The following PLCL2 variants were observed in gnomAD, a reference collection of about 807,000 sequenced individuals.
The protein encoded by PLCL2 is phospholipase C like 2.
In PLCL2, 4 loss-of-function variants were observed where a neutral mutation model predicts 79.6. That is an observed-to-expected ratio of 0.05 (90% confidence interval 0.02 to 0.11). The LOEUF is 0.11. PLCL2 is among the 10% of genes least tolerant of loss of function. The pLI is 1.00. For missense variants in PLCL2, 895 were observed against 1,291.0 expected, an observed-to-expected ratio of 0.69 and a Z score of 4.70; for synonymous variants, 484 against 457.7, an observed-to-expected ratio of 1.06 and a Z score of -0.73.
chr3:17,084,369 T>C (rs1299892955), intron 5 of PLCL2, among the ~76,000 whole-genome samples: 2 of 152,190 alleles, frequency 1.3e-5, no homozygotes, highest in Admixed American at 1.3e-4. Flanking sequence ...AAAGAAATGA[T>C]ACCAATTCTC....
intron 1 of PLCL2, among the ~76,000 whole-genome samples, chr3:16,952,472 T>C (rs1025609760): frequency 4.0e-5 from 6 of 151,074 alleles, no homozygotes; most frequent in Admixed American, 1.3e-4. Flanking sequence ...CTTTTATGCA[T>C]TATTTGTAAT....
At chr3:16,958,813 G>A (rs1478997430) in intron 1 of PLCL2, among the ~76,000 whole-genome samples, 2 of 152,196 alleles carry the variant, frequency 1.3e-5, no homozygotes, top group Non-Finnish European at 2.9e-5. Flanking sequence ...CAGGAGCAAT[G>A]ATGAAGGCTG....
At chr3:16,963,936 G>C (rs2063779890) in intron 1 of PLCL2, among the ~76,000 whole-genome samples, 1 of 152,160 alleles carries the variant, frequency 6.6e-6, no homozygotes. Flanking sequence ...ACTGTGCTCA[G>C]ACATTGTAGT....
At chr3:16,949,733 G>T (rs1347386109) in intron 1 of PLCL2, among the ~76,000 whole-genome samples, 1 of 152,084 alleles carries the variant, frequency 6.6e-6, no homozygotes, top group Non-Finnish European at 1.5e-5. Context: ...ATTTCTCACT[G>T]GGGCACGCAA....
intron 3 of PLCL2, among the ~76,000 whole-genome samples, chr3:17,021,045 C>T (rs2064445337): frequency 6.6e-6 from 1 of 152,132 alleles, no homozygotes; most frequent in Non-Finnish European, 1.5e-5. Context: ...ACTCTCCTGC[C>T]TCAGTCATTA....
At chr3:17,051,293 CAATG>C (rs1221914161) in intron 4 of PLCL2, among the ~76,000 whole-genome samples, 2 of 151,948 alleles carry the variant, frequency 1.3e-5, no homozygotes, top group East Asian at 3.9e-4. Flanking sequence ...CATTTTAAAA[CAATG>C]AAGAGTATTA....
chr3:17,071,537 T>A (rs2065060599), intron 5 of PLCL2, among the ~76,000 whole-genome samples: 1 of 152,192 alleles, frequency 6.6e-6, no homozygotes, highest in South Asian at 2.1e-4. Flanking sequence ...ATTCTCCCTC[T>A]GAGAAATAAC....
At chr3:16,936,195 C>T (rs1401845803) in intron 1 of PLCL2, among the ~76,000 whole-genome samples, 1 of 152,198 alleles carries the variant, frequency 6.6e-6, no homozygotes, top group Non-Finnish European at 1.5e-5. Context: ...TGGCAGCAAG[C>T]TAAACATTTC....
At chr3:17,078,031 G>A (rs911361273) in intron 5 of PLCL2, among the ~76,000 whole-genome samples, 10 of 152,110 alleles carry the variant, frequency 6.6e-5, no homozygotes, top group African/African-American at 2.4e-4. Flanking sequence ...TATCCTCTAA[G>A]CATTTATTTC....
chr3:17,077,755 T>C (rs2065121883), intron 5 of PLCL2, among the ~76,000 whole-genome samples: 1 of 152,160 alleles, frequency 6.6e-6, no homozygotes, highest in Non-Finnish European at 1.5e-5. Flanking sequence ...TCGCCACAGA[T>C]GCTGGCTCAC....
chr3:16,909,826 G>C (rs1255725258), intron 1 of PLCL2, among the ~76,000 whole-genome samples: 1 of 152,092 alleles, frequency 6.6e-6, no homozygotes, highest in African/African-American at 2.4e-5. Context: ...TTAAAGATCG[G>C]GATGGTTTCT....
chr3:17,014,977 C>A, intron 3 of PLCL2, 66 bp downstream of exon 3: 1 of 1,311,134 alleles, frequency 7.6e-7, no homozygotes, highest in Non-Finnish European at 1.1e-6. Context: ...ACACAGCAGA[C>A]ATACTTTGGA....
chr3:16,982,397 TG>T (rs1205589394), intron 1 of PLCL2, among the ~76,000 whole-genome samples: 2 of 152,164 alleles, frequency 1.3e-5, no homozygotes, highest in African/African-American at 4.8e-5. Context: ...TTTCCCTGTT[TG>T]GGGGGTGTAT....
chr3:16,951,717 C>T (rs2063654283), intron 1 of PLCL2, among the ~76,000 whole-genome samples: 1 of 152,104 alleles, frequency 6.6e-6, no homozygotes, highest in Non-Finnish European at 1.5e-5. Context: ...ACATATCATT[C>T]ATTTTTAAAC....
intron 4 of PLCL2, among the ~76,000 whole-genome samples, chr3:17,059,063 A>G (rs1487376062): frequency 1.3e-5 from 2 of 152,176 alleles, no homozygotes; most frequent in Non-Finnish European, 2.9e-5. Flanking sequence ...TGTTTCAGAG[A>G]TTATTCTATA....
At chr3:16,975,309 T>G (rs979122659) in intron 1 of PLCL2, among the ~76,000 whole-genome samples, 1 of 152,188 alleles carries the variant, frequency 6.6e-6, no homozygotes, top group African/African-American at 2.4e-5. Context: ...ATGATTTGGT[T>G]CCTTATTCGC....
chr3:16,931,688 C>G (rs957860637), intron 1 of PLCL2, among the ~76,000 whole-genome samples: 1 of 152,152 alleles, frequency 6.6e-6, no homozygotes, highest in African/African-American at 2.4e-5. Flanking sequence ...TGACCCCAGG[C>G]AAGTCTCTTT....
In PLCL2 at chr3:17,009,335, T is replaced by G. The variant is rs982363920; in HGVS notation, c.328-339T>G. Among the ~76,000 whole-genome samples, 4 of 152,012 alleles carry G rather than the reference T, an allele frequency of 2.6e-5. No homozygotes were observed. The highest frequency in any genetic ancestry group is 9.7e-5 in the African/African-American group (4 of 41,380). On this transcript the variant is annotated intron_variant, in intron 1 of 5. Coordinates refer to ENST00000615277, the MANE Select transcript of PLCL2 (RefSeq NM_001144382.2). The surrounding 1 kb of genome is among the most constrained non-coding windows in gnomAD (Gnocchi z 4.0). Reference sequence around the variant, plus strand: ...TGGGATCTCACTGTATTACCCAGGTTGGTCTCAAACTCCTCACCTCAAGCA... The same window carrying G: ...TGGGATCTCACTGTATTACCCAGGTGGGTCTCAAACTCCTCACCTCAAGCA...
At chr3:16,925,465 T>G (rs906019857) in intron 1 of PLCL2, among the ~76,000 whole-genome samples, 1 of 152,200 alleles carries the variant, frequency 6.6e-6, no homozygotes, top group Admixed American at 6.5e-5. Context: ...TTTATTGTAT[T>G]TATAGTTATG....
Sources: gnomAD v4.1 joint callset for allele counts (sites outside exome capture counted in the v4.1 genomes callset) on GRCh38, gnomAD v4.1.1 for gene constraint, Gnocchi (gnomAD v3.1) non-coding constraint, MANE v1.5 for transcripts, NCBI Gene and HGNC (gene_info 2026-07-23, HGNC 2026-07-21) for gene names.